The following SIK3 variants were observed in gnomAD, a reference collection of about 807,000 sequenced individuals.
SIK3 encodes the protein SIK family kinase 3, also known as serine/threonine-protein kinase SIK3.
In SIK3, 28 loss-of-function variants were observed where a neutral mutation model predicts 144.2. That is an observed-to-expected ratio of 0.19 (90% CI 0.14 to 0.27). The LOEUF is 0.27. Among genes scored for constraint, SIK3 ranks in the 10% least tolerant of loss-of-function variants. SIK3 has a pLI of 1.00. For synonymous variants in SIK3, 686 were observed against 676.3 expected (o/e 1.01, Z -0.22); for missense variants, 1,319 against 1,776.0 (o/e 0.74, Z 4.62).
intron 1 of SIK3, among the ~76,000 whole-genome samples, chr11:117,013,614 G>A (rs915443579): frequency 5.3e-5 from 8 of 151,834 alleles, no homozygotes; most frequent in Admixed American, 2.0e-4. Flanking sequence ...AAGGACACAC[G>A]ACTCCAGTTA....
chr11:116,927,439 G>A, intron 3 of SIK3, 59 bp from the exon 4 acceptor site: 2 of 1,561,106 alleles, frequency 1.3e-6, no homozygotes, highest in Non-Finnish European at 1.7e-6. Flanking sequence ...ATTTCAAAAG[G>A]TAGACTTAAG....
At position 116,957,044 on chromosome 11, in the gene SIK3, A is replaced by G. The variant is rs1382742346; in HGVS notation, c.294T>C (p.Asp98=). 1 of 1,604,428 alleles carries G rather than the reference A, an allele frequency of 6.2e-7. No individual in the cohort carries two copies. The highest frequency in any genetic ancestry group is 1.3e-5 in the African/African-American group (1 of 74,426). Residue 98 remains aspartate, a synonymous_variant, in exon 2 of 25, where the codon GAT becomes GAC. Coordinates refer to ENST00000445177, the MANE Select transcript of SIK3 (RefSeq NM_001366686.3). ...AGTTTTCTTCATCCAGCTGGGTCTT[A>G]TCTATGATCTTGATAGCAACCTGAC... The part of the protein sequence containing the change: ...TKAKVAIKII[D]KTQLDEENLK...
At chr11:116,857,259 C>G (rs1207710686) in intron 21 of SIK3, 5 of 154,440 alleles carry the variant, frequency 3.2e-5, no homozygotes, top group Admixed American at 3.2e-4. Flanking sequence ...CTCTCTCATG[C>G]AAACATTATG....
intron 1 of SIK3, among the ~76,000 whole-genome samples, chr11:117,080,952 AT>A (rs764148335): frequency 3.9e-5 from 6 of 152,160 alleles, no homozygotes; most frequent in Non-Finnish European, 8.8e-5. Context: ...TCTCAAAAAA[AT>A]AAAACAATAT....
At chr11:116,907,308 T>C (rs778315271) in intron 4 of SIK3, among the ~76,000 whole-genome samples, 5 of 152,186 alleles carry the variant, frequency 3.3e-5, no homozygotes, top group Non-Finnish European at 7.4e-5. Flanking sequence ...ATCATGTATG[T>C]GTTTATATTT....
chr11:116,972,535 TAA>T (rs939777105), intron 1 of SIK3, among the ~76,000 whole-genome samples: 39 of 152,278 alleles, frequency 2.6e-4, no homozygotes, highest in Admixed American at 9.2e-4. Flanking sequence ...CCAATATTTT[TAA>T]AAGTAAAGTT....
intron 4 of SIK3, among the ~76,000 whole-genome samples, chr11:116,920,049 C>A (rs1295755802): frequency 4.6e-5 from 7 of 152,048 alleles, no homozygotes; most frequent in African/African-American, 1.7e-4. Flanking sequence ...ATTAATTAAG[C>A]CTTATATCTT....
chr11:116,939,049 T>C (rs1948143558), intron 3 of SIK3, among the ~76,000 whole-genome samples: 1 of 152,248 alleles, frequency 6.6e-6, no homozygotes, highest in Non-Finnish European at 1.5e-5. Context: ...CTATAATTTC[T>C]AAGTAGTTTA....
chr11:117,076,443 G>A (rs374721788), intron 1 of SIK3, among the ~76,000 whole-genome samples: 6 of 152,040 alleles, frequency 3.9e-5, no homozygotes, highest in East Asian at 1.9e-4. Context: ...GCATTCTTCC[G>A]AAACCTTTCA....
intron 3 of SIK3, among the ~76,000 whole-genome samples, chr11:116,944,962 T>C (rs1022686295): frequency 1.3e-5 from 2 of 149,260 alleles, no homozygotes; most frequent in South Asian, 2.1e-4. Flanking sequence ...ACATTTCTTT[T>C]TTCTTTTTTT....
At chr11:116,985,499 T>C (rs1321246081) in intron 1 of SIK3, among the ~76,000 whole-genome samples, 1 of 152,232 alleles carries the variant, frequency 6.6e-6, no homozygotes, top group Non-Finnish European at 1.5e-5. Flanking sequence ...TATGCTTACT[T>C]ATCCATCTAG....
At position 116,847,047 on chromosome 11, in the gene SIK3, C is replaced by G. The variant is rs111816836; in HGVS notation, c.3952+429G>C. On this transcript the variant is annotated intron_variant, in intron 23 of 24. Transcript: ENST00000445177. ...ATGAGGATCTCGGGGTCCAGAAAGC[C>G]AAGTGCCTCACCTGCAGAGCCTGAA... Among the ~76,000 whole-genome samples, 1,471 of 152,290 alleles carry G rather than the reference C, an allele frequency of 9.7e-3. 29 individuals are homozygous for G. The highest frequency in any genetic ancestry group is 0.034 in the African/African-American group (1,405 of 41,558).
intron 3 of SIK3, among the ~76,000 whole-genome samples, chr11:116,932,423 C>T (rs1018570150): frequency 3.3e-5 from 5 of 152,128 alleles, no homozygotes; most frequent in African/African-American, 9.7e-5. Context: ...GGGTACAATG[C>T]GTATGTATAG....
chr11:116,970,810 C>A (rs1949741547), intron 1 of SIK3, among the ~76,000 whole-genome samples: 1 of 152,030 alleles, frequency 6.6e-6, no homozygotes. Flanking sequence ...CTACCATGCC[C>A]AGCTAAATTA....
chr11:116,984,890 A>T (rs1211494047), intron 1 of SIK3, among the ~76,000 whole-genome samples: 1 of 152,216 alleles, frequency 6.6e-6, no homozygotes, highest in Non-Finnish European at 1.5e-5. Context: ...ATCTCTGTGT[A>T]TAGAGTCCAG....
chr11:117,097,811 C>T (rs1475976397), intron 1 of SIK3, among the ~76,000 whole-genome samples: 1 of 152,130 alleles, frequency 6.6e-6, no homozygotes, highest in East Asian at 1.9e-4. Flanking sequence ...GTCTTCTGGG[C>T]TTACAGTCTC....
At position 117,075,096 on chromosome 11, in the gene SIK3, T is replaced by C. The variant is rs1324596578; in HGVS notation, c.273+23047A>G. ...AATTTGTGTTAAAAGAGGAAATAAG[T>C]AGTAGATATTTACATTTACTTCTAT... On this transcript the variant is annotated intron_variant, in intron 1 of 24. Transcript: ENST00000445177. 2.0e-5 allele frequency among the ~76,000 whole-genome samples: 3 copies of C among 152,182 alleles called. No individual in the cohort carries two copies. In the East Asian group the frequency reaches 5.8e-4, roughly 29 times the overall value.
intron 3 of SIK3, among the ~76,000 whole-genome samples, chr11:116,942,969 C>T (rs1948392946): frequency 6.6e-6 from 1 of 152,090 alleles, no homozygotes; most frequent in Admixed American, 6.5e-5. Context: ...TATTTAAAGG[C>T]TACTGCAGTG....
chr11:116,931,248 G>A (rs903484484), intron 3 of SIK3, among the ~76,000 whole-genome samples: 9 of 152,286 alleles, frequency 5.9e-5, no homozygotes, highest in African/African-American at 1.7e-4. Context: ...GCACCAGCAC[G>A]TAAGTTTGCT....
Sources: gnomAD v4.1 joint callset for allele counts (sites outside exome capture counted in the v4.1 genomes callset) on GRCh38, gnomAD v4.1.1 for gene constraint, MANE v1.5 for transcripts, NCBI Gene and HGNC (gene_info 2026-07-23, HGNC 2026-07-21) for gene names.